The following HAS1 variants were observed in gnomAD, a reference collection of about 807,000 sequenced individuals.
HAS1 encodes HA synthase 1.
In HAS1, 27 loss-of-function variants were observed where a neutral mutation model predicts 35.0. The ratio of observed to expected loss-of-function variants is 0.77; its 90% CI spans 0.57 to 1.06. The LOEUF is 1.06. Ranked by LOEUF, HAS1 falls within the 50% of genes least tolerant of loss-of-function variation. HAS1 has a pLI of 0.00. For synonymous variants in HAS1, 409 were observed against 371.2 expected, an observed-to-expected ratio of 1.10 and a Z score of -1.17; for missense variants, 940 against 814.8, an observed-to-expected ratio of 1.15 and a Z score of -1.87.
intron 4 of HAS1, 176 bp downstream of exon 4, chr19:51,716,080 C>T (rs1686386369): frequency 6.7e-6 from 4 of 595,984 alleles, no homozygotes; most frequent in East Asian, 5.6e-5. Context: ...TCCATTGGCT[C>T]AATGCAAATG....
chr19:51,713,180 AG>A lies in HAS1; in HGVS notation c.*246del, dbSNP rs996353430. On this transcript the variant is annotated 3_prime_UTR_variant, in exon 5 of 5. Coordinates refer to ENST00000540069, the MANE Select transcript of HAS1 (RefSeq NM_001297436.2). This position sits in a 1 kb window ranked among gnomAD's most constrained non-coding sequence, Gnocchi z 4.5. The stretch of plus-strand genomic sequence containing the variant: ...AAATGGAGATTAAATAAGAACGAGG[AG>A]AAAGCAGGACCCTTTCCCTCCACTC... 74 of 384,896 alleles carry A rather than the reference AG, an allele frequency of 1.9e-4. No individual in the cohort carries two copies. The highest frequency in any genetic ancestry group is 3.0e-4 in the Non-Finnish European group (68 of 224,640). The allele number at this position is 384,896 out of a possible 1,614,324, so 23.8% of individuals were successfully genotyped here. A position where few individuals can be genotyped will look rare whatever the true frequency, so the allele number is the denominator to read the frequency against.
exon 1 of HAS1, chr19:51,723,981 AGCCTCTCTGTGGCCAGAGAGCT>A: frequency 6.5e-7 from 1 of 1,533,540 alleles, no homozygotes; most frequent in South Asian, 1.2e-5. Context: ...TTGCTCTCCC[AGCCTCTCTGTGGCCAGAGAGCT>A]GGAGGGGGGT....
rs2083555001 is a variant in HAS1, at chr19:51,713,479, C to T, written c.1682G>A (p.Gly561Asp). The change falls in exon 5 of 5, where the codon GGC becomes GAC. Residue 561 changes from glycine to aspartate, a missense_variant. Coordinates refer to ENST00000540069, the MANE Select transcript of HAS1 (RefSeq NM_001297436.2). This position sits in a 1 kb window ranked among gnomAD's most constrained non-coding sequence, Gnocchi z 4.5. ...CCGCCGCCGGCAAAGCCTCCGCACG[C>T]CCACCCAGTACAGCGTCAACATGGC... ...WVAMLTLYWVGVRRLCRRRTG... is the reference protein window; with the variant it reads ...WVAMLTLYWVDVRRLCRRRTG... 1 of 1,581,480 alleles carries T rather than the reference C, an allele frequency of 6.3e-7. No homozygotes were observed. The highest frequency in any genetic ancestry group is 8.6e-7 in the Non-Finnish European group (1 of 1,163,996).
At chr19:51,715,454 C>G (rs138017482) in intron 4 of HAS1, among the ~76,000 whole-genome samples, 1 of 152,150 alleles carries the variant, frequency 6.6e-6, no homozygotes, top group Non-Finnish European at 1.5e-5. Flanking sequence ...TATCCACCAC[C>G]CTTGCCCGGC....
In HAS1 at chr19:51,717,188, A is replaced by G. The variant is rs1444864751; in HGVS notation, c.705T>C (p.Cys235=). The change falls in exon 3 of 5, where the codon TGT becomes TGC. Residue 235 remains cysteine (C), a synonymous_variant. Transcript: ENST00000540069. ...TGGGGTCCAACCTTGTGTCCGAGTC[A>G]CAGACCTGTAAGGTGGAAGGGGCCA... ...LGDSVDYVQV[C]DSDTRLDPMA... 1.2e-6 allele frequency: 2 copies of G among 1,609,624 alleles called. No homozygotes were observed. Among genetic ancestry groups the G allele is most frequent in the Non-Finnish European group, 8.5e-7 (1 of 1,177,250 alleles).
chr19:51,723,924 C>CACACCT lies in HAS1; in HGVS notation c.9_9+1insAGGTGT (p.Gln3_Asp4insArgCys). ...ACACACACACACACACACACACACA[C>CACACCT]CTGTCTCATCGCAGTGGGTCTGGCC... is the stretch of plus-strand genomic sequence containing the variant. On this transcript the variant is annotated inframe_insertion and splice_region_variant. Coordinates refer to ENST00000540069, the MANE Select transcript of HAS1 (RefSeq NM_001297436.2). 6.6e-7 allele frequency: 1 copy of CACACCT among 1,519,418 alleles called. No individual in the cohort carries two copies. The highest frequency in any genetic ancestry group is 8.8e-7 in the Non-Finnish European group (1 of 1,131,866). 94.1% of individuals were successfully genotyped at this position (1,519,418 alleles called of 1,614,324 possible).
Position 51,713,802 on chromosome 19 carries a change from G to A in HAS1, c.1359C>T (p.Gly453=). Residue 453 remains glycine (G), a synonymous_variant, in exon 5 of 5, where the codon GGC becomes GGT. Coordinates refer to ENST00000540069, the MANE Select transcript of HAS1 (RefSeq NM_001297436.2). The surrounding 1 kb of genome is among the most constrained non-coding windows in gnomAD (Gnocchi z 4.5). ...AKAAFAAWLR[G]CLRMVLLSLY... is the part of the protein sequence containing the mutation. ...GCGACAGAAGCACCATGCGCAGGCA[G>A]CCCCGCAGCCAGGCCGCGAAGGCCG... 6.2e-7 allele frequency: 1 copy of A among 1,605,942 alleles called. No homozygotes were observed. The highest frequency in any genetic ancestry group is 8.5e-7 in the Non-Finnish European group (1 of 1,177,114).
intron 3 of HAS1, among the ~76,000 whole-genome samples, chr19:51,716,733 T>TCCCCAG (rs1460889265): frequency 1.6e-4 from 24 of 151,852 alleles, no homozygotes; most frequent in Admixed American, 5.3e-4. Context: ...CCCATCTTCT[T>TCCCCAG]CCCCAGCCCC....
intron 1 of HAS1, among the ~76,000 whole-genome samples, chr19:51,722,858 A>T (rs1035793354): frequency 1.3e-5 from 2 of 152,246 alleles, no homozygotes; most frequent in African/African-American, 4.8e-5. Context: ...ATATATTATT[A>T]AAATTAATTT....
At chr19:51,718,412 C>A (rs2083600915) in intron 2 of HAS1, among the ~76,000 whole-genome samples, 1 of 152,066 alleles carries the variant, frequency 6.6e-6, no homozygotes, top group Non-Finnish European at 1.5e-5. Flanking sequence ...AACAAATCTC[C>A]ACATTTAATA....
At position 51,719,547 on chromosome 19, in the gene HAS1, G is replaced by C. The variant is rs765468167; in HGVS notation, c.358C>G (p.Leu120Val). The change falls in exon 2 of 5, where the codon CTG becomes GTG. Residue 120 changes from leucine to valine, a missense_variant. Physicochemically the swap from Leu to Val is conservative, Grantham distance 32. Coordinates refer to ENST00000540069, the MANE Select transcript of HAS1 (RefSeq NM_001297436.2). ...LRQCLASARA[L>V]LYPRARLRVL... is the part of the protein sequence containing the mutation. ...CGCAGCCGCGCGCGCGGGTACAGCA[G>C]GGCGCGGGCGGACGCCAGGCACTGG... 1 of 1,546,772 alleles carries C rather than the reference G, an allele frequency of 6.5e-7. No individual in the cohort carries two copies.
chr19:51,720,430 A>G (rs1294659676), intron 1 of HAS1, among the ~76,000 whole-genome samples: 1 of 152,102 alleles, frequency 6.6e-6, no homozygotes, highest in Non-Finnish European at 1.5e-5. Flanking sequence ...AATTATTTTC[A>G]TTAACGAAAA....
In HAS1 at chr19:51,719,462, C is replaced by G. The variant is rs777326196; in HGVS notation, c.443G>C (p.Arg148Pro). Reference protein sequence around the residue: ...AEDLYMVDMFREVFADEDPAT... With the variant: ...AEDLYMVDMFPEVFADEDPAT... ...GGGGTCCTCGTCAGCGAAGACCTCG[C>G]GGAACATGTCGACCATGTAGAGGTC... Residue 148 changes from arginine to proline, a missense_variant, in exon 2 of 5, where the codon CGC becomes CCC. Arg to Pro is a moderately radical substitution (Grantham distance 103). Transcript: ENST00000540069. 1 of 1,550,838 alleles carries G rather than the reference C, an allele frequency of 6.4e-7. No homozygotes were observed. The highest frequency in any genetic ancestry group is 8.7e-7 in the Non-Finnish European group (1 of 1,146,628).
rs1194985866 is a variant in HAS1 at position 51,713,693 on chromosome 19, A to T, written c.1468T>A (p.Ser490Thr). ...VTMNQSGWGTSGRRKLAANYV... is the reference protein window; with the variant it reads ...VTMNQSGWGTTGRRKLAANYV... ...TTAGCGGCCAGCTTCCGCCGGCCCG[A>T]GGTGCCCCAGCCACTCTGGTTCATG... Residue 490 changes from serine to threonine, a missense_variant, in exon 5 of 5, where the codon TCG becomes ACG. Ser to Thr is a moderately conservative substitution (Grantham distance 58). Coordinates refer to ENST00000540069, the MANE Select transcript of HAS1 (RefSeq NM_001297436.2). This position sits in a 1 kb window ranked among gnomAD's most constrained non-coding sequence, Gnocchi z 4.5. 8 of 1,593,304 alleles carry T rather than the reference A, an allele frequency of 5.0e-6. No homozygotes were observed. Among genetic ancestry groups the T allele is most frequent in the Non-Finnish European group, 6.8e-6 (8 of 1,171,504 alleles).
At chr19:51,714,239 T>A in intron 4 of HAS1, 137 bp from the exon 5 acceptor site, 1 of 1,368,438 alleles carries the variant, frequency 7.3e-7, no homozygotes, top group South Asian at 1.4e-5. Flanking sequence ...TGTTCTCATG[T>A]GTAGAATAGG....
At chr19:51,721,534 T>C (rs1217223866) in intron 1 of HAS1, among the ~76,000 whole-genome samples, 2 of 152,054 alleles carry the variant, frequency 1.3e-5, no homozygotes, top group Middle Eastern at 3.2e-3. Context: ...TCCCAGCACT[T>C]TGGGAGGCGG....
Position 51,713,436 on chromosome 19 carries a change from G to T in HAS1, c.1725C>A (p.Val575=). Residue 575 remains valine (V), a synonymous_variant, in exon 5 of 5, where the codon GTC becomes GTA. Coordinates refer to ENST00000540069, the MANE Select transcript of HAS1 (RefSeq NM_001297436.2). This position sits in a 1 kb window ranked among gnomAD's most constrained non-coding sequence, Gnocchi z 4.5. ...ATCCGCGTGGCTGGACTCACACCTG[G>T]ACGCGGTAGCCCCCGGTCCGCCGCC... ...LCRRRTGGYR[V]QV The T allele has an allele frequency of 2.0e-6, 3 of 1,528,266 alleles. No individual in the cohort carries two copies. The highest frequency in any genetic ancestry group is 1.8e-6 in the Non-Finnish European group (2 of 1,136,200). 94.7% of individuals were successfully genotyped at this position (1,528,266 alleles called of 1,614,324 possible).
intron 4 of HAS1, 38 bp from the exon 5 acceptor site, chr19:51,714,140 T>A (rs754202390): frequency 1.3e-6 from 2 of 1,588,164 alleles, no homozygotes; most frequent in South Asian, 2.3e-5. Context: ...CATCGCGTGC[T>A]CCCTGGGGCC....
Position 51,714,129 on chromosome 19 carries a change from T to G in HAS1, c.1059-27A>C, listed in dbSNP as rs762621197. Reference sequence around the variant, plus strand: ...TGCACGGGGGCGAGGAATGAGGGCATCATCGCGTGCTCCCTGGGGCCTGGG... The same window carrying G: ...TGCACGGGGGCGAGGAATGAGGGCAGCATCGCGTGCTCCCTGGGGCCTGGG... On this transcript the variant is annotated intron_variant, in intron 4 of 4. Transcript: ENST00000540069. 5 of 1,598,852 alleles carry G rather than the reference T, an allele frequency of 3.1e-6. No individual in the cohort carries two copies. In the Admixed American group the frequency reaches 8.7e-5, roughly 28 times the overall value.
Sources: gnomAD v4.1 joint callset for allele counts (sites outside exome capture counted in the v4.1 genomes callset) on GRCh38, gnomAD v4.1.1 for gene constraint, Gnocchi (gnomAD v3.1) non-coding constraint, MANE v1.5 for transcripts, NCBI Gene and HGNC (gene_info 2026-07-23, HGNC 2026-07-21) for gene names.